Variants in PUDP observed in about 807,000 individuals in gnomAD.
PUDP encodes pseudouridine 5'-phosphatase, also known as pseudouridine-5'-phosphatase.
In PUDP, 8 loss-of-function variants were observed where a neutral mutation model predicts 9.4. The ratio of observed to expected loss-of-function variants is 0.85; its 90% CI spans 0.50 to 1.53. The LOEUF (loss-of-function observed/expected upper bound fraction) is 1.53. Ranked by LOEUF, PUDP falls within the 40% of genes most tolerant of loss-of-function variation. The probability of loss-of-function intolerance (pLI) is 0.00; values close to 1 mark genes in which losing one functional copy is unlikely to be tolerated. For synonymous variants in PUDP, 99 were observed against 80.7 expected (o/e 1.23, Z -1.22); for missense variants, 188 against 189.7 (o/e 0.99, Z 0.05).
chrX:6,860,357 C>G (rs1309847676), intron 3 of PUDP, among the ~76,000 whole-genome samples: 1 of 110,844 alleles, frequency 9.0e-6, no homozygotes, highest in Non-Finnish European at 1.9e-5. Context: ...CCAGGGTCAT[C>G]TAAAACTTCT....
At chrX:6,844,486 A>T (rs752929627) in intron 3 of PUDP, among the ~76,000 whole-genome samples, 1 of 112,298 alleles carries the variant, frequency 8.9e-6, no homozygotes, top group South Asian at 3.7e-4. Flanking sequence ...TTTCAACCAT[A>T]CGGCCCAATA....
intron 3 of PUDP, among the ~76,000 whole-genome samples, chrX:7,066,033 T>C (rs1159716107): frequency 8.9e-6 from 1 of 112,437 alleles, no homozygotes; most frequent in Non-Finnish European, 1.9e-5. Flanking sequence ...TTTTGAAAAT[T>C]GACACAATTG....
chrX:7,076,622 C>G (rs1009584454), intron 3 of PUDP, among the ~76,000 whole-genome samples: 1 of 111,819 alleles, frequency 8.9e-6, no homozygotes, highest in Non-Finnish European at 1.9e-5. Context: ...GGGGCCGTCT[C>G]CACTGCATAC....
chrX:6,772,350 C>A (rs1390434776), intron 3 of PUDP, among the ~76,000 whole-genome samples: 1 of 110,936 alleles, frequency 9.0e-6, no homozygotes, highest in Non-Finnish European at 1.9e-5. Context: ...GAGTCTTCAG[C>A]AGACGTGAAA....
At chrX:7,009,669 G>C (rs1210136737) in intron 1 of PUDP, among the ~76,000 whole-genome samples, 1 of 110,617 alleles carries the variant, frequency 9.0e-6, no homozygotes, top group Non-Finnish European at 1.9e-5. Context: ...CTTTTGGAGT[G>C]GAGCTAGATA....
At chrX:6,921,460 C>T (rs939435039) in intron 3 of PUDP, among the ~76,000 whole-genome samples, 2 of 111,193 alleles carry the variant, frequency 1.8e-5, no homozygotes, top group Admixed American at 9.6e-5. Context: ...CAACAACTCC[C>T]TGTTATTCTA....
At chrX:6,889,964 T>C (rs893663935) in intron 3 of PUDP, among the ~76,000 whole-genome samples, 1 of 111,446 alleles carries the variant, frequency 9.0e-6, no homozygotes, top group Non-Finnish European at 1.9e-5. Context: ...TTCTAAGCAG[T>C]ACAGGAGGTA....
At chrX:6,926,922 C>CTTTTTTT (rs61299123) in intron 3 of PUDP, among the ~76,000 whole-genome samples, 5 of 66,861 alleles carry the variant, frequency 7.5e-5, no homozygotes, top group Non-Finnish European at 1.1e-4. Context: ...GAGACAATTC[C>CTTTTTTT]TTTTTTTTTT....
At chrX:6,976,405 C>T (rs1053940559) in intron 3 of PUDP, among the ~76,000 whole-genome samples, 1 of 111,672 alleles carries the variant, frequency 9.0e-6, no homozygotes, top group African/African-American at 3.3e-5. Flanking sequence ...GGCCAGAATG[C>T]ACCATTCCTC....
chrX:7,061,968 T>C (rs1484480738), intron 3 of PUDP, among the ~76,000 whole-genome samples: 2 of 112,058 alleles, frequency 1.8e-5, no homozygotes, highest in Non-Finnish European at 3.8e-5. Flanking sequence ...GCACCTTATA[T>C]TCTAGTGACT....
intron 3 of PUDP, among the ~76,000 whole-genome samples, chrX:6,893,521 T>A (rs1186042049): frequency 8.9e-6 from 1 of 111,791 alleles, no homozygotes; most frequent in African/African-American, 3.3e-5. Context: ...TGCAAATGTC[T>A]GCAAGGGCCA....
chrX:7,084,358 G>A (rs988092030), intron 2 of PUDP, among the ~76,000 whole-genome samples: 1 of 112,218 alleles, frequency 8.9e-6, no homozygotes, highest in African/African-American at 3.2e-5. Context: ...CCTCATCCTC[G>A]TACTCCATCC....
chrX:7,026,195 T>C (rs1929707371), intron 1 of PUDP, among the ~76,000 whole-genome samples: 1 of 112,122 alleles, frequency 8.9e-6, no homozygotes, highest in Non-Finnish European at 1.9e-5. Context: ...TTCACTATCC[T>C]TGCAACAATC....
chrX:6,794,086 T>C (rs1322395895), intron 3 of PUDP, among the ~76,000 whole-genome samples: 2 of 112,117 alleles, frequency 1.8e-5, no homozygotes, highest in East Asian at 5.6e-4. Context: ...TGTTTCTTTC[T>C]CTACAGAAGC....
chrX:7,086,995 G>A (rs1931283338), intron 2 of PUDP, among the ~76,000 whole-genome samples: 1 of 111,740 alleles, frequency 8.9e-6, no homozygotes, highest in Non-Finnish European at 1.9e-5. Context: ...CTGAGTCCGC[G>A]CCCCAGCTCA....
chrX:6,936,878 A>C (rs1472943854), intron 3 of PUDP, among the ~76,000 whole-genome samples: 1 of 95,063 alleles, frequency 1.1e-5, no homozygotes, highest in Non-Finnish European at 2.1e-5. Flanking sequence ...ACTCCCATTC[A>C]CAATTGCTTC....
At chrX:6,873,578 A>C (rs988732197) in intron 3 of PUDP, among the ~76,000 whole-genome samples, 1 of 112,009 alleles carries the variant, frequency 8.9e-6, no homozygotes, top group African/African-American at 3.2e-5. Context: ...TGATAAAATA[A>C]TGAATTGGCA....
At chrX:6,829,173 G>A (rs889409322) in intron 3 of PUDP, among the ~76,000 whole-genome samples, 1 of 111,383 alleles carries the variant, frequency 9.0e-6, no homozygotes, top group African/African-American at 3.3e-5. Flanking sequence ...CCAGCCTCCA[G>A]GACTGTGAGC....
intron 3 of PUDP, among the ~76,000 whole-genome samples, chrX:6,773,824 C>T (rs1014885182): frequency 2.7e-5 from 3 of 111,570 alleles, no homozygotes; most frequent in Non-Finnish European, 3.8e-5. Context: ...CACAAACTGC[C>T]CCTTAATCTG....
Sources: allele counts gnomAD v4.1 joint callset (sites outside exome capture counted in the v4.1 genomes callset), GRCh38; gene constraint gnomAD v4.1.1; transcripts MANE v1.5; gene names NCBI Gene and HGNC (gene_info 2026-07-23, HGNC 2026-07-21).